The following SCGB1C1 variants were observed in gnomAD, a reference collection of about 807,000 sequenced individuals.
SCGB1C1 encodes the protein secretoglobin family 1C member 1, also known as ligand binding protein RYD5.
Under a neutral mutation model 8.9 loss-of-function variants are expected in SCGB1C1, and 2 were observed. The observed-to-expected ratio is 0.23, with a 90% CI of 0.09 to 0.71. The LOEUF (loss-of-function observed/expected upper bound fraction) is 0.71, where lower values mean the gene tolerates loss of function less well. Among genes scored for constraint, SCGB1C1 ranks in the 30% least tolerant of loss-of-function variants. The pLI is 0.78. For missense variants in SCGB1C1, 25 were observed against 112.7 expected (o/e 0.22, Z 3.52); for synonymous variants, 6 against 45.8 (o/e 0.13, Z 3.51).
upstream of SCGB1C1, among the ~76,000 whole-genome samples, chr11:191,007 C>A (rs1460183572): frequency 3.8e-5 from 5 of 131,194 alleles, no homozygotes; most frequent in Non-Finnish European, 6.5e-5. Flanking sequence ...GACAAGTGCC[C>A]ATCCACTCCA....
upstream of SCGB1C1, among the ~76,000 whole-genome samples, chr11:190,171 AGTC>A (rs1173237032): frequency 2.3e-4 from 3 of 13,284 alleles, no homozygotes; most frequent in Non-Finnish European, 4.4e-4. Flanking sequence ...CTCACAGTGT[AGTC>A]GTCGTACGCC....
At chr11:188,348 AAATT>A (rs575951488), upstream of SCGB1C1, among the ~76,000 whole-genome samples, 33 of 150,748 alleles carry the variant, frequency 2.2e-4, no homozygotes, top group South Asian at 6.3e-3. Flanking sequence ...CATTAAGCTG[AAATT>A]AATTAAAAAT....
intron 2 of SCGB1C1, 112 bp from the exon 3 acceptor site, chr11:194,306 A>G: frequency 1.2e-6 from 1 of 838,694 alleles, no homozygotes; most frequent in Non-Finnish European, 2.0e-6. Flanking sequence ...GGGAGGAGAT[A>G]GGCAGCAATA....
upstream of SCGB1C1, among the ~76,000 whole-genome samples, chr11:190,953 GTTTCTTTCTGCAT>G (rs1854794820): frequency 6.6e-6 from 1 of 151,900 alleles, no homozygotes; most frequent in African/African-American, 2.4e-5. Context: ...GTTCTAGGGT[GTTTCTTTCTGCAT>G]AGGTACCTCT....
upstream of SCGB1C1, among the ~76,000 whole-genome samples, chr11:189,557 G>A (rs1416326729): frequency 2.3e-5 from 3 of 132,234 alleles, no homozygotes; most frequent in Non-Finnish European, 5.0e-5. Context: ...GGTTTGGGGG[G>A]AGGTGGGTGG....
At chr11:188,455 G>GA (rs1295353362), upstream of SCGB1C1, among the ~76,000 whole-genome samples, 1 of 151,994 alleles carries the variant, frequency 6.6e-6, no homozygotes, top group Non-Finnish European at 1.5e-5. Context: ...ATTGTTGATG[G>GA]AAAAAAGAGT....
upstream of SCGB1C1, among the ~76,000 whole-genome samples, chr11:191,834 TA>T (rs1195136799): frequency 7.0e-5 from 3 of 42,780 alleles, no homozygotes; most frequent in Admixed American, 6.6e-4. Context: ...CCCCTAACCC[TA>T]ACCCTAACCC....
rs763942811 is a variant in SCGB1C1, at chr11:194,400, C to T, written c.256-18C>T. The T allele has an allele frequency of 1.1e-5, 8 of 752,546 alleles. No individual in the cohort carries two copies. The highest frequency in any genetic ancestry group is 2.0e-5 in the Admixed American group (1 of 49,824). 46.6% of individuals were successfully genotyped at this position (752,546 alleles called of 1,614,324 possible). A position where few individuals can be genotyped will look rare whatever the true frequency, so the allele number is the denominator to read the frequency against. On this transcript the variant is annotated intron_variant, in intron 2 of 2. Transcript: ENST00000342878. ...TATTGAGCACAGCCCTCTTAGTCCA[C>T]ATGTGTCTGCCTTCCAGGTGCAAGT... is the stretch of plus-strand genomic sequence containing the variant.
chr11:189,952 A>AGCT (rs1233400029), upstream of SCGB1C1, among the ~76,000 whole-genome samples: 30 of 149,102 alleles, frequency 2.0e-4, no homozygotes, highest in African/African-American at 6.6e-4. Context: ...GCCTGCTGGC[A>AGCT]GATGGGGACA....
At chr11:191,872 TAA>T, upstream of SCGB1C1, among the ~76,000 whole-genome samples, 1 of 39,968 alleles carries the variant, frequency 2.5e-5, no homozygotes, top group Admixed American at 3.1e-4. Flanking sequence ...CCCCTAACCC[TAA>T]CCCTAACCCT....
chr11:190,764 G>A (rs532212453), upstream of SCGB1C1, among the ~76,000 whole-genome samples: 601 of 137,550 alleles, frequency 4.4e-3, no homozygotes, highest in South Asian at 6.8e-3. Context: ...CAGGCACACT[G>A]ACAGCGATCA....
upstream of SCGB1C1, among the ~76,000 whole-genome samples, chr11:191,750 T>C (rs1481231548): frequency 7.2e-5 from 11 of 152,304 alleles, no homozygotes; most frequent in Non-Finnish European, 1.6e-4. Flanking sequence ...AGAACTCTTT[T>C]CATTGCCAGT....
chr11:193,831 G>A lies in SCGB1C1; in HGVS notation c.175G>A (p.Ala59Thr), dbSNP rs747227881. 8 of 1,567,876 alleles carry A rather than the reference G, an allele frequency of 5.1e-6. No homozygotes were observed. Among genetic ancestry groups the A allele is most frequent in the African/African-American group, 1.4e-5 (1 of 73,784 alleles). Residue 59 changes from alanine to threonine, a missense_variant, in exon 2 of 3, where the codon GCC becomes ACC. Ala to Thr is a moderately conservative substitution (Grantham distance 58). Coordinates refer to ENST00000342878, the MANE Select transcript of SCGB1C1 (RefSeq NM_145651.3). ...GGGCAAGTACAATGTCAACGAAGAT[G>A]CCAAGGCAGCAATGACTGAACTCAA... ...TLGKYNVNED[A>T]KAAMTELKSC...
chr11:191,880 ACCCTAAC>A (rs1854818769), upstream of SCGB1C1, among the ~76,000 whole-genome samples: 1 of 4,526 alleles, frequency 2.2e-4, no homozygotes, highest in Non-Finnish European at 5.4e-4. Flanking sequence ...CCTAACCCTA[ACCCTAAC>A]CCCTACCCCT....
At chr11:189,414 A>G (rs1222806934), upstream of SCGB1C1, among the ~76,000 whole-genome samples, 1 of 150,996 alleles carries the variant, frequency 6.6e-6, no homozygotes, top group African/African-American at 2.5e-5. Flanking sequence ...AGCTTTCTAA[A>G]TTGACAGAGA....
In SCGB1C1 at chr11:193,643, C is replaced by A. The variant is rs779159053; in HGVS notation, c.56-69C>A. ...GACCATGGAGGTTGGAGCCCTGGGG[C>A]AGGTCCAGGGCTGTGGTTGCACCAG... On this transcript the variant is annotated intron_variant, in intron 1 of 2. Coordinates refer to ENST00000342878, the MANE Select transcript of SCGB1C1 (RefSeq NM_145651.3). 51 of 1,585,122 alleles carry A rather than the reference C, an allele frequency of 3.2e-5. No individual in the cohort carries two copies. In the Middle Eastern group the frequency reaches 6.2e-4, roughly 19 times the overall value.
chr11:191,912 A>C (rs1400989383), upstream of SCGB1C1, among the ~76,000 whole-genome samples: 3 of 150,590 alleles, frequency 2.0e-5, no homozygotes, highest in Non-Finnish European at 3.0e-5. Flanking sequence ...CCTAACCCTT[A>C]CCGGTGACCC....
chr11:191,824 CCCCTAA>C (rs1159302315), upstream of SCGB1C1, among the ~76,000 whole-genome samples: 8,822 of 61,166 alleles, frequency 0.14, 14 homozygotes, highest in Middle Eastern at 0.25. Flanking sequence ...TAACCCCTAA[CCCCTAA>C]CCCTAACCCT....
At position 193,697 on chromosome 11, in the gene SCGB1C1, T is replaced by C. The variant is rs749672142; in HGVS notation, c.56-15T>C. 12 of 1,612,672 alleles carry C rather than the reference T, an allele frequency of 7.4e-6. No individual in the cohort carries two copies. Among genetic ancestry groups the C allele is most frequent in the Non-Finnish European group, 1.0e-5 (12 of 1,179,694 alleles). ...CACCCTGTCCTGTCCTGGCATCATC[T>C]CGCTCGTGATGCAGGGATGGCCACA... On this transcript the variant is annotated splice_polypyrimidine_tract_variant and intron_variant, in intron 1 of 2. Coordinates refer to ENST00000342878, the MANE Select transcript of SCGB1C1 (RefSeq NM_145651.3).
Sources: allele counts gnomAD v4.1 joint callset (sites outside exome capture counted in the v4.1 genomes callset), GRCh38; gene constraint gnomAD v4.1.1; transcripts MANE v1.5; gene names NCBI Gene and HGNC (gene_info 2026-07-23, HGNC 2026-07-21).